The following SPATA17 variants were observed in gnomAD, a reference collection of about 807,000 sequenced individuals.
The protein encoded by SPATA17 is spermatogenesis associated 17.
SPATA17 carries 53 observed loss-of-function variants against 62.2 expected under a neutral mutation model. The observed-to-expected ratio is 0.85, with a 90% CI of 0.68 to 1.07. SPATA17 has a LOEUF of 1.07. Ranked by LOEUF, SPATA17 falls within the 50% of genes least tolerant of loss-of-function variation. The probability of loss-of-function intolerance (pLI) is 0.00; values close to 1 mark genes in which losing one functional copy is unlikely to be tolerated. For synonymous variants in SPATA17, 146 were observed against 146.8 expected (o/e 0.99, Z 0.04); for missense variants, 466 against 425.5 (o/e 1.10, Z -0.84).
At chr1:217,737,903 C>T in intron 5 of SPATA17, 1 of 152,192 alleles carries the variant, frequency 6.6e-6, no homozygotes, top group Non-Finnish European at 1.5e-5. Flanking sequence ...CGGCTCACTG[C>T]AACCTCCGCC....
At chr1:217,711,789 G>C (rs181797608) in intron 5 of SPATA17, among the ~76,000 whole-genome samples, 57 of 152,318 alleles carry the variant, frequency 3.7e-4, no homozygotes, top group African/African-American at 1.3e-3. Context: ...AGATTGGGAA[G>C]AGACTGGGAC....
intron 5 of SPATA17, among the ~76,000 whole-genome samples, chr1:217,688,942 A>G (rs1316699358): frequency 6.6e-6 from 1 of 152,192 alleles, no homozygotes; most frequent in African/African-American, 2.4e-5. Flanking sequence ...TTTGCTGACT[A>G]AAAGCTTACC....
chr1:217,728,475 ATTGT>A (rs928893208), intron 5 of SPATA17, among the ~76,000 whole-genome samples: 1 of 152,290 alleles, frequency 6.6e-6, no homozygotes, highest in Admixed American at 6.5e-5. Context: ...TTCATCGTTG[ATTGT>A]TTGCTAAAAA....
chr1:217,669,174 T>G, intron 4 of SPATA17, 91 bp downstream of exon 4: 1 of 1,092,602 alleles, frequency 9.2e-7, no homozygotes, highest in Non-Finnish European at 1.4e-6. Flanking sequence ...ATAATGCAAA[T>G]TTGATTGATA....
chr1:217,752,129 G>A (rs973976645), intron 6 of SPATA17, among the ~76,000 whole-genome samples: 5 of 152,108 alleles, frequency 3.3e-5, no homozygotes, highest in African/African-American at 7.2e-5. Context: ...GTGGGCTCAA[G>A]TGCTCTCCCA....
chr1:217,732,154 A>T (rs1672417769), intron 5 of SPATA17, among the ~76,000 whole-genome samples: 1 of 151,550 alleles, frequency 6.6e-6, no homozygotes, highest in African/African-American at 2.4e-5. Flanking sequence ...AATAAATGGG[A>T]TGGCATTCCC....
At chr1:217,726,683 T>G (rs1216233336) in intron 5 of SPATA17, among the ~76,000 whole-genome samples, 1 of 151,944 alleles carries the variant, frequency 6.6e-6, no homozygotes, top group East Asian at 1.9e-4. Flanking sequence ...CTTGTTTTCA[T>G]GCGTATTTCC....
intron 2 of SPATA17, among the ~76,000 whole-genome samples, chr1:217,649,725 C>A (rs1670262978): frequency 7.2e-6 from 1 of 138,612 alleles, no homozygotes; most frequent in Admixed American, 7.1e-5. Context: ...TATCTTAACT[C>A]TTTCTCACTT....
intron 5 of SPATA17, among the ~76,000 whole-genome samples, chr1:217,705,450 TTTTTTTTTG>T (rs1671711903): frequency 7.6e-6 from 1 of 131,718 alleles, no homozygotes; most frequent in Admixed American, 7.7e-5. Flanking sequence ...TTTTTTTTTT[TTTTTTTTTG>T]GAGATGGAGT....
chr1:217,775,019 G>A (rs762324056), intron 7 of SPATA17, among the ~76,000 whole-genome samples: 4 of 152,138 alleles, frequency 2.6e-5, no homozygotes, highest in Non-Finnish European at 5.9e-5. Flanking sequence ...CTCAGAAGTG[G>A]AATTGCCAGA....
chr1:217,662,644 A>C (rs1282147578), intron 3 of SPATA17, among the ~76,000 whole-genome samples: 3 of 152,180 alleles, frequency 2.0e-5, no homozygotes, highest in Non-Finnish European at 4.4e-5. Context: ...GACATGTACC[A>C]TCAAATTCCA....
intron 8 of SPATA17, among the ~76,000 whole-genome samples, chr1:217,796,329 C>T (rs1674150891): frequency 6.6e-6 from 1 of 151,678 alleles, no homozygotes; most frequent in African/African-American, 2.4e-5. Context: ...AAATTTGTTG[C>T]ATAGATGTAA....
intron 4 of SPATA17, among the ~76,000 whole-genome samples, chr1:217,669,396 T>C (rs1422077423): frequency 2.6e-5 from 4 of 152,160 alleles, no homozygotes; most frequent in East Asian, 3.9e-4. Context: ...GAATACATTG[T>C]GATAAATAGA....
At chr1:217,835,302 T>G (rs147474080) in intron 9 of SPATA17, among the ~76,000 whole-genome samples, 1 of 152,296 alleles carries the variant, frequency 6.6e-6, no homozygotes, top group African/African-American at 2.4e-5. Flanking sequence ...CAGCTGAAAG[T>G]TAGTGAATCC....
At chr1:217,790,652 T>G (rs1019859908) in intron 8 of SPATA17, among the ~76,000 whole-genome samples, 1 of 152,030 alleles carries the variant, frequency 6.6e-6, no homozygotes, top group Non-Finnish European at 1.5e-5. Context: ...GTGGTCTCAA[T>G]CTCCTGACCT....
intron 2 of SPATA17, among the ~76,000 whole-genome samples, chr1:217,649,958 A>C (rs1306291155): frequency 7.8e-6 from 1 of 127,724 alleles, no homozygotes. Context: ...TTTTTTTCTG[A>C]AACGGAGTTT....
At chr1:217,846,707 C>T (rs981325424) in intron 9 of SPATA17, among the ~76,000 whole-genome samples, 1 of 151,930 alleles carries the variant, frequency 6.6e-6, no homozygotes, top group South Asian at 2.1e-4. Context: ...ACTTTTGTAC[C>T]TGATTTATTT....
chr1:217,650,955 C>T, intron 2 of SPATA17, 142 bp from the exon 3 acceptor site: 1 of 603,138 alleles, frequency 1.7e-6, no homozygotes, highest in East Asian at 3.0e-5. Flanking sequence ...TTCTATCCCA[C>T]AATAACTTTC....
chr1:217,709,790 A>C (rs151132922), intron 5 of SPATA17, among the ~76,000 whole-genome samples: 13 of 152,192 alleles, frequency 8.5e-5, no homozygotes, highest in Admixed American at 8.5e-4. Context: ...TTTGCCTAGG[A>C]TAAAAGTTAC....
Sources: gnomAD v4.1 joint callset for allele counts (sites outside exome capture counted in the v4.1 genomes callset) on GRCh38, gnomAD v4.1.1 for gene constraint, MANE v1.5 for transcripts, NCBI Gene and HGNC (gene_info 2026-07-23, HGNC 2026-07-21) for gene names.